Variants in CEP41 observed in about 807,000 individuals in gnomAD.
CEP41 encodes centrosomal protein 41, also known as centrosomal protein of 41 kDa.
In CEP41, 32 loss-of-function variants were observed where a neutral mutation model predicts 44.3. The observed-to-expected ratio is 0.72, with a 90% CI of 0.54 to 0.97. CEP41 has a LOEUF of 0.97. Among genes scored for constraint, CEP41 ranks in the 50% least tolerant of loss-of-function variants. CEP41 has a pLI of 0.00. For synonymous variants in CEP41, 151 were observed against 168.5 expected, an observed-to-expected ratio of 0.90 and a Z score of 0.80; for missense variants, 432 against 455.2, an observed-to-expected ratio of 0.95 and a Z score of 0.46.
chr7:130,394,962 T>G lies in CEP41; in HGVS notation c.*3929A>C, dbSNP rs1554413897. 2.2e-6 allele frequency: 1 copy of G among 454,116 alleles called. No homozygotes were observed. Among genetic ancestry groups the G allele is most frequent in the Admixed American group, 2.3e-5 (1 of 42,574 alleles). The allele number at this position is 454,116 out of a possible 1,614,324, so 28.1% of individuals were successfully genotyped here. A position where few individuals can be genotyped will look rare whatever the true frequency, so the allele number is the denominator to read the frequency against. Reference sequence around the variant, plus strand: ...TCAGGATGTTACACAGGTGAGAATTTGCTTCTGTACAGAACAAAGAGGATC... The same window carrying G: ...TCAGGATGTTACACAGGTGAGAATTGGCTTCTGTACAGAACAAAGAGGATC... On this transcript the variant is annotated 3_prime_UTR_variant, in exon 11 of 11. Transcript: ENST00000223208.
chr7:130,421,061 T>C, intron 2 of CEP41: 1 of 983,240 alleles, frequency 1.0e-6, no homozygotes, highest in Non-Finnish European at 1.2e-6. Flanking sequence ...ACAACTAAAG[T>C]TGTGATAAAA....
chr7:130,412,053 G>A lies in CEP41; in HGVS notation c.207+126C>T, dbSNP rs1019999615. 101 of 756,508 alleles carry A rather than the reference G, an allele frequency of 1.3e-4. No homozygotes were observed. In the East Asian group the frequency reaches 2.5e-3, roughly 19 times the overall value. 46.9% of individuals were successfully genotyped at this position (756,508 alleles called of 1,614,324 possible). ...CCACATACCAATTAATCTTCCCATA[G>A]CTGAACGACATACAAAGAATCAGAA... On this transcript the variant is annotated intron_variant, in intron 4 of 10. Transcript: ENST00000223208.
chr7:130,406,354 C>T (rs1218374803), intron 5 of CEP41, among the ~76,000 whole-genome samples: 1 of 151,988 alleles, frequency 6.6e-6, no homozygotes, highest in Non-Finnish European at 1.5e-5. Flanking sequence ...GAGGCTGAGG[C>T]GGGTGGATCA....
At chr7:130,429,782 C>T (rs1000779769) in intron 1 of CEP41, among the ~76,000 whole-genome samples, 16 of 152,190 alleles carry the variant, frequency 1.1e-4, no homozygotes, top group African/African-American at 3.9e-4. Flanking sequence ...CCAGAGTACT[C>T]ACAGCCCGCT....
In CEP41 at chr7:130,394,603, C is replaced by T. The variant is rs782643343; in HGVS notation, c.*4288G>A. ...CTTCCTGTAGAGGGAGATCTAAAAA[C>T]CTCAGGGTTTTGAATGCCTCGCCCA... On this transcript the variant is annotated 3_prime_UTR_variant, in exon 11 of 11. Transcript: ENST00000223208. 2 of 453,650 alleles carry T rather than the reference C, an allele frequency of 4.4e-6. No individual in the cohort carries two copies. The highest frequency in any genetic ancestry group is 3.1e-5 in the South Asian group (2 of 64,456). The allele number at this position is 453,650 out of a possible 1,614,324, so 28.1% of individuals were successfully genotyped here. A position where few individuals can be genotyped will look rare whatever the true frequency, so the allele number is the denominator to read the frequency against.
intron 1 of CEP41, among the ~76,000 whole-genome samples, chr7:130,431,770 C>A (rs879992444): frequency 7.2e-5 from 11 of 152,000 alleles, no homozygotes; most frequent in Admixed American, 2.6e-4. Flanking sequence ...TGGAGCATAG[C>A]GGGAAATACG....
At chr7:130,410,969 T>C (rs1797165020) in intron 5 of CEP41, 153 bp downstream of exon 5, 1 of 759,312 alleles carries the variant, frequency 1.3e-6, no homozygotes. Context: ...ACAACTAAAG[T>C]ATCAGGTAGC....
chr7:130,412,921 C>A, intron 3 of CEP41, among the ~76,000 whole-genome samples: 1 of 152,336 alleles, frequency 6.6e-6, no homozygotes, highest in East Asian at 1.9e-4. Flanking sequence ...TATGAAAATA[C>A]TTAATGCCAC....
intron 1 of CEP41, among the ~76,000 whole-genome samples, chr7:130,437,227 T>G (rs1421307572): frequency 1.3e-5 from 2 of 151,692 alleles, no homozygotes; most frequent in Admixed American, 1.3e-4. Flanking sequence ...AACATCAGAA[T>G]AATGAATTCA....
intron 3 of CEP41, among the ~76,000 whole-genome samples, chr7:130,412,559 T>G (rs1343988433): frequency 2.6e-5 from 4 of 152,218 alleles, no homozygotes; most frequent in African/African-American, 9.6e-5. Context: ...CACATTGTAC[T>G]CCACGCATTT....
At chr7:130,407,253 A>AACAC (rs60030288) in intron 5 of CEP41, among the ~76,000 whole-genome samples, 1,378 of 129,374 alleles carry the variant, frequency 0.011, 11 homozygotes, top group African/African-American at 0.019. Flanking sequence ...AACAAGAGTA[A>AACAC]ACACACACAC....
At chr7:130,410,459 A>C (rs1186675643) in intron 5 of CEP41, among the ~76,000 whole-genome samples, 1 of 152,198 alleles carries the variant, frequency 6.6e-6, no homozygotes, top group African/African-American at 2.4e-5. Context: ...GGCAGCAAGA[A>C]GACACTGGAT....
At chr7:130,432,278 G>A (rs1295240358) in intron 1 of CEP41, among the ~76,000 whole-genome samples, 1 of 152,128 alleles carries the variant, frequency 6.6e-6, no homozygotes, top group Non-Finnish European at 1.5e-5. Context: ...TAAAGATGAA[G>A]AGGAAGAGAC....
rs781982705 is a variant in CEP41, at chr7:130,394,276, T to C, written c.*4615A>G. On this transcript the variant is annotated 3_prime_UTR_variant, in exon 11 of 11. Transcript: ENST00000223208. ...CTTGGTCAGAGACTGAAGGCAAACC[T>C]GAGTCACTTAATTTCTACCCGAACC... 23 of 454,018 alleles carry C rather than the reference T, an allele frequency of 5.1e-5. No individual in the cohort carries two copies. In the East Asian group the frequency reaches 9.0e-4, roughly 18 times the overall value. The allele number at this position is 454,018 out of a possible 1,614,324, so 28.1% of individuals were successfully genotyped here.
chr7:130,435,547 C>T (rs1053402803), intron 1 of CEP41, among the ~76,000 whole-genome samples: 6 of 152,180 alleles, frequency 3.9e-5, no homozygotes, highest in African/African-American at 1.2e-4. Flanking sequence ...GATGGCACTA[C>T]ACATCTATTA....
chr7:130,399,836 G>A (rs1342098923), intron 10 of CEP41: 7 of 520,548 alleles, frequency 1.3e-5, no homozygotes, highest in Admixed American at 9.6e-5. Flanking sequence ...AAAAAAAGTC[G>A]CTATGTTTTG....
chr7:130,421,699 G>A, intron 2 of CEP41: 3 of 1,146,504 alleles, frequency 2.6e-6, no homozygotes, highest in Non-Finnish European at 3.2e-6. Context: ...AGACTGAGTG[G>A]AGAAAGCCTA....
chr7:130,393,828 T>A lies in CEP41; in HGVS notation c.*5063A>T, dbSNP rs1204225666. 2 of 454,078 alleles carry A rather than the reference T, an allele frequency of 4.4e-6. No individual in the cohort carries two copies. The highest frequency in any genetic ancestry group is 1.4e-4 in the East Asian group (2 of 14,398). The allele number at this position is 454,078 out of a possible 1,614,324, so 28.1% of individuals were successfully genotyped here. ...AGACCTATCAGGAAAACAGCCTACT[T>A]TTTTCCCCCTACAATATAATTAAAA... On this transcript the variant is annotated 3_prime_UTR_variant, in exon 11 of 11. Coordinates refer to ENST00000223208, the MANE Select transcript of CEP41 (RefSeq NM_018718.3).
chr7:130,395,636 A>G lies in CEP41; in HGVS notation c.*3255T>C. On this transcript the variant is annotated 3_prime_UTR_variant, in exon 11 of 11. Transcript: ENST00000223208. ...CCAACACAAGAAAAATTACCTACGT[A>G]TTTCTTCCTAGCCTAGGACTCTGAT... 2.2e-6 allele frequency: 1 copy of G among 454,084 alleles called. No individual in the cohort carries two copies. Among genetic ancestry groups the G allele is most frequent in the Non-Finnish European group, 4.4e-6 (1 of 226,782 alleles). The allele number at this position is 454,084 out of a possible 1,614,324, so 28.1% of individuals were successfully genotyped here. A position where few individuals can be genotyped will look rare whatever the true frequency, so the allele number is the denominator to read the frequency against.
Sources: gnomAD v4.1 joint callset for allele counts (sites outside exome capture counted in the v4.1 genomes callset) on GRCh38, gnomAD v4.1.1 for gene constraint, MANE v1.5 for transcripts, NCBI Gene and HGNC (gene_info 2026-07-23, HGNC 2026-07-21) for gene names.